ABCB11: variants seen among roughly 807,000 people sequenced by gnomAD.
The protein encoded by ABCB11 is bile salt export pump.
A neutral mutation model predicts 148.0 loss-of-function variants in ABCB11; 95 were observed. That is an observed-to-expected ratio of 0.64 (90% confidence interval 0.54 to 0.76). The LOEUF is 0.76. Among genes scored for constraint, ABCB11 ranks in the 30% least tolerant of loss-of-function variants. The pLI, the probability that ABCB11 is intolerant of heterozygous loss-of-function variation, is 0.00. For missense variants in ABCB11, 1,523 were observed against 1,617.8 expected (o/e 0.94, Z 1.01); for synonymous variants, 591 against 555.4 (o/e 1.06, Z -0.90).
chr2:168,948,449 T>C (rs373922238), intron 19 of ABCB11, among the ~76,000 whole-genome samples: 1 of 151,580 alleles, frequency 6.6e-6, no homozygotes, highest in East Asian at 2.0e-4. Flanking sequence ...CAACATTAGT[T>C]ACAATGCCTG....
intron 26 of ABCB11, among the ~76,000 whole-genome samples, chr2:168,926,836 G>A (rs771413042): frequency 9.9e-5 from 15 of 152,118 alleles, no homozygotes; most frequent in Non-Finnish European, 1.9e-4. Flanking sequence ...ATACCCTGGG[G>A]ATAGGACTCA....
chr2:169,017,553 T>C (rs1695399946), intron 2 of ABCB11, among the ~76,000 whole-genome samples: 2 of 152,104 alleles, frequency 1.3e-5, no homozygotes, highest in Admixed American at 1.3e-4. Context: ...CAAAAACATA[T>C]CCAAGTCTCA....
Position 168,930,790 on chromosome 2 carries a change from G to A in ABCB11, c.3286C>T (p.Leu1096=). The change falls in exon 25 of 28, where the codon CTG becomes TTG. Residue 1096 remains leucine, a synonymous_variant. Transcript: ENST00000650372. ...CTAATCGACACTGAGAGACCATTCA[G>A]AACTTGCGAGTCAGGTCGAGAAGGA... is the stretch of plus-strand genomic sequence containing the variant. ...TYPSRPDSQV[L]NGLSVSISPG... 6.2e-7 allele frequency: 1 copy of A among 1,613,642 alleles called. No homozygotes were observed. The highest frequency in any genetic ancestry group is 8.5e-7 in the Non-Finnish European group (1 of 1,179,768).
chr2:168,968,591 T>C, intron 16 of ABCB11, 101 bp from the exon 17 acceptor site: 1 of 942,338 alleles, frequency 1.1e-6, no homozygotes, highest in Non-Finnish European at 1.5e-6. Context: ...AATTACTATG[T>C]CAAATGCCAA....
At chr2:168,980,241 G>A (rs1694089078) in intron 10 of ABCB11, among the ~76,000 whole-genome samples, 1 of 152,098 alleles carries the variant, frequency 6.6e-6, no homozygotes, top group Admixed American at 6.6e-5. Context: ...GAACTGTCTT[G>A]AAATGAGTAA....
chr2:168,950,493 G>A (rs1225681453), intron 19 of ABCB11, among the ~76,000 whole-genome samples: 1 of 151,516 alleles, frequency 6.6e-6, no homozygotes, highest in African/African-American at 2.4e-5. Flanking sequence ...GTTGTAAAAT[G>A]GTATCTCTTT....
Position 168,932,422 on chromosome 2 carries a change from G to A in ABCB11, c.3168C>T (p.Asp1056=). ...TGTATACACTGATTGGGGGTTGTCG[G>A]TCCAGCAGTTGAAAAAAGCGTGCAG... is the stretch of plus-strand genomic sequence containing the variant. The part of the protein sequence containing the change: ...ISAARFFQLL[D]RQPPISVYNT... The change falls in exon 24 of 28, where the codon GAC becomes GAT. Residue 1056 remains aspartate, a synonymous_variant. Transcript: ENST00000650372. 1.9e-6 allele frequency: 3 copies of A among 1,593,140 alleles called. No individual in the cohort carries two copies. Among genetic ancestry groups the A allele is most frequent in the Non-Finnish European group, 2.6e-6 (3 of 1,169,244 alleles).
Position 168,921,996 on chromosome 2 carries a change from C to T in ABCB11, c.*1626G>A, listed in dbSNP as rs187701307. Among the ~76,000 whole-genome samples, 3,932 of 151,888 alleles carry T rather than the reference C, an allele frequency of 0.026. 167 individuals are homozygous for T. Among genetic ancestry groups the T allele is most frequent in the African/African-American group, 0.089 (3,697 of 41,380 alleles). The stretch of plus-strand genomic sequence containing the variant: ...CCTGAGTAGCTGGGACTACAGGCGC[C>T]CGCCACCACGCCCGGCTAATTTTTT... On this transcript the variant is annotated 3_prime_UTR_variant, in exon 28 of 28. Coordinates refer to ENST00000650372, the MANE Select transcript of ABCB11 (RefSeq NM_003742.4).
chr2:168,960,459 A>G (rs776296291), intron 18 of ABCB11, among the ~76,000 whole-genome samples: 1 of 151,694 alleles, frequency 6.6e-6, no homozygotes, highest in Non-Finnish European at 1.5e-5. Flanking sequence ...CCACAGCCTG[A>G]CATGATAGAA....
intron 10 of ABCB11, among the ~76,000 whole-genome samples, chr2:168,983,925 G>A (rs1042537166): frequency 2.0e-5 from 3 of 152,030 alleles, no homozygotes; most frequent in South Asian, 2.1e-4. Context: ...CCCTGACCTC[G>A]TAGATTTTAC....
At chr2:168,989,811 G>A (rs1694450856) in intron 9 of ABCB11, among the ~76,000 whole-genome samples, 1 of 151,962 alleles carries the variant, frequency 6.6e-6, no homozygotes, top group Non-Finnish European at 1.5e-5. Context: ...GAGAGTTTCT[G>A]TCAGGAAAGG....
rs35964117 is a variant in ABCB11, at chr2:168,978,132, CTTTTTTTTTTTTTTT to C, written c.1198-1460_1198-1446del. ...AAGAGGTAGAATTTGAATAAATTGA[CTTTTTTTTTTTTTTT>C]TTTTTTTTTTTTTTCAGAGACAGGG... On this transcript the variant is annotated intron_variant, in intron 11 of 27. Coordinates refer to ENST00000650372, the MANE Select transcript of ABCB11 (RefSeq NM_003742.4). Among the ~76,000 whole-genome samples, 9 of 53,130 alleles carry C rather than the reference CTTTTTTTTTTTTTTT, an allele frequency of 1.7e-4. No homozygotes were observed. In the East Asian group the frequency reaches 2.7e-3, roughly 16 times the overall value. 34.9% of individuals were successfully genotyped at this position (53,130 alleles called of 152,430 possible). A position where few individuals can be genotyped will look rare whatever the true frequency, so the allele number is the denominator to read the frequency against.
At chr2:168,992,587 G>A (rs183940176) in intron 8 of ABCB11, among the ~76,000 whole-genome samples, 1 of 151,972 alleles carries the variant, frequency 6.6e-6, no homozygotes, top group Non-Finnish European at 1.5e-5. Context: ...TGCCCGACAC[G>A]GCTTAAATGC....
intron 1 of ABCB11, among the ~76,000 whole-genome samples, chr2:169,020,976 T>C (rs978415373): frequency 1.3e-5 from 2 of 152,090 alleles, no homozygotes; most frequent in African/African-American, 4.8e-5. Context: ...TTTTTTTTTT[T>C]TTCTGAGACC....
Position 168,996,616 on chromosome 2 carries a change from A to T in ABCB11, c.477+19T>A. 1 of 1,404,478 alleles carries T rather than the reference A, an allele frequency of 7.1e-7. No individual in the cohort carries two copies. The highest frequency in any genetic ancestry group is 9.6e-7 in the Non-Finnish European group (1 of 1,043,606). The allele number at this position is 1,404,478 out of a possible 1,614,324, so 87.0% of individuals were successfully genotyped here. A position where few individuals can be genotyped will look rare whatever the true frequency, so the allele number is the denominator to read the frequency against. ...GAGGTCAGATATTGATCTATAAATTATACGGAGGAGCTACTAACTTGAATA... is the reference window on the plus strand; with the variant it reads ...GAGGTCAGATATTGATCTATAAATTTTACGGAGGAGCTACTAACTTGAATA... On this transcript the variant is annotated intron_variant, in intron 6 of 27. Transcript: ENST00000650372.
intron 19 of ABCB11, among the ~76,000 whole-genome samples, chr2:168,945,799 C>T (rs759501140): frequency 4.0e-5 from 6 of 151,628 alleles, no homozygotes; most frequent in Non-Finnish European, 5.9e-5. Flanking sequence ...GGTAATTTGC[C>T]GGTTAATTAG....
At chr2:168,956,041 T>G (rs1692774321) in intron 19 of ABCB11, among the ~76,000 whole-genome samples, 1 of 151,726 alleles carries the variant, frequency 6.6e-6, no homozygotes, top group Non-Finnish European at 1.5e-5. Context: ...AAGGTTTAAT[T>G]GGTTCACAGT....
chr2:168,927,874 A>G (rs1419773554), intron 25 of ABCB11, among the ~76,000 whole-genome samples: 1 of 152,196 alleles, frequency 6.6e-6, no homozygotes, highest in African/African-American at 2.4e-5. Flanking sequence ...ATCAACAAAC[A>G]TATATTTGAA....
intron 13 of ABCB11, 76 bp from the exon 14 acceptor site, chr2:168,972,126 A>C: frequency 7.4e-7 from 1 of 1,352,942 alleles, no homozygotes. Flanking sequence ...GTCATACTTG[A>C]CCAATGGGCA....
Sources: gnomAD v4.1 joint callset for allele counts (sites outside exome capture counted in the v4.1 genomes callset) on GRCh38, gnomAD v4.1.1 for gene constraint, MANE v1.5 for transcripts, NCBI Gene and HGNC (gene_info 2026-07-23, HGNC 2026-07-21) for gene names.